TFAP2A: variants seen among roughly 807,000 people sequenced by gnomAD.
TFAP2A encodes the protein transcription factor AP-2-alpha.
A neutral mutation model predicts 41.5 loss-of-function variants in TFAP2A; 7 were observed. The ratio of observed to expected loss-of-function variants is 0.17; its 90% CI spans 0.10 to 0.32. The LOEUF is 0.32. Among genes scored for constraint, TFAP2A ranks in the 10% least tolerant of loss-of-function variants. TFAP2A has a pLI of 1.00. For missense variants in TFAP2A, 416 were observed against 563.3 expected (o/e 0.74, Z 2.65); for synonymous variants, 247 against 242.8 (o/e 1.02, Z -0.16).
chr6:10,412,557 G>A (rs1162683870), intron 1 of TFAP2A: 6 of 173,956 alleles, frequency 3.4e-5, no homozygotes, highest in African/African-American at 9.8e-5. Context: ...GGGAAGGGGA[G>A]AGGAAGCGAG....
rs141438908 is a variant in TFAP2A, at chr6:10,412,198, A to T, written c.52-1863T>A. 2.2e-3 allele frequency: 2,198 copies of T among 987,108 alleles called. 1 individual carries two copies. Among genetic ancestry groups the T allele is most frequent in the Non-Finnish European group, 2.4e-3 (2,021 of 831,062 alleles). The allele number at this position is 987,108 out of a possible 1,614,324, so 61.1% of individuals were successfully genotyped here. On this transcript the variant is annotated intron_variant, in intron 1 of 6. Transcript: ENST00000379613. ...GGGAGAGGGAGCGCGAGAGACAAAAAGCGAGCGAGAGAGGGAGCGGGCGAG... is the reference window on the plus strand; with the variant it reads ...GGGAGAGGGAGCGCGAGAGACAAAATGCGAGCGAGAGAGGGAGCGGGCGAG...
rs747101844 is a variant in TFAP2A, at chr6:10,397,298, G to A, written c.*1119C>T. Reference sequence around the variant, plus strand: ...AATATTCATTTATTGCTCAAATGATGCTTTTAAGGGAGGACAGTGGAATAA... The same window carrying A: ...AATATTCATTTATTGCTCAAATGATACTTTTAAGGGAGGACAGTGGAATAA... On this transcript the variant is annotated 3_prime_UTR_variant, in exon 7 of 7. Coordinates refer to ENST00000379613, the MANE Select transcript of TFAP2A (RefSeq NM_001372066.1). 1.3e-5 allele frequency: 2 copies of A among 151,980 alleles called. No individual in the cohort carries two copies. Among genetic ancestry groups the A allele is most frequent in the Non-Finnish European group, 2.9e-5 (2 of 68,000 alleles). The allele number at this position is 151,980 out of a possible 1,614,324, so 9.4% of individuals were successfully genotyped here.
intron 1 of TFAP2A, chr6:10,412,216 C>G (rs1253972066): frequency 2.0e-6 from 2 of 986,402 alleles, no homozygotes; most frequent in African/African-American, 1.8e-5. Flanking sequence ...AGAGAGGGAG[C>G]GGGCGAGCGC....
intron 1 of TFAP2A, chr6:10,411,495 G>A: frequency 1.2e-6 from 2 of 1,612,738 alleles, no homozygotes; most frequent in South Asian, 1.1e-5. Context: ...CCGAGGTTTC[G>A]GGCAGCTCCA....
At position 10,404,563 on chromosome 6, in the gene TFAP2A, G is replaced by T; in HGVS notation, c.715C>A (p.Arg239=). 6.2e-7 allele frequency: 1 copy of T among 1,613,926 alleles called. No homozygotes were observed. The highest frequency in any genetic ancestry group is 8.5e-7 in the Non-Finnish European group (1 of 1,179,926). Residue 239 remains arginine (R), a synonymous_variant, in exon 4 of 7, where the codon CGG becomes AGG. Transcript: ENST00000379613. The part of the protein sequence containing the change: ...YKVTVAEVQR[R]LSPPECLNAS... ...TTGAGACACTCGGGTGGTGAGAGCC[G>T]CCGCTGCACTTCCGCCACCGTGACC...
chr6:10,405,260 T>C (rs1757657237), intron 3 of TFAP2A: 1 of 154,054 alleles, frequency 6.5e-6, no homozygotes, highest in African/African-American at 2.4e-5. Context: ...TAAAGCACCC[T>C]GTAAACGAGC....
Position 10,404,233 on chromosome 6 carries a change from G to A in TFAP2A, c.770+275C>T, listed in dbSNP as rs12206026. Among the ~76,000 whole-genome samples, 13,908 of 152,250 alleles carry A rather than the reference G, an allele frequency of 0.091. 862 individuals are homozygous for A. The highest frequency in any genetic ancestry group is 0.22 in the Middle Eastern group (65 of 292). ...GCTTGCGCGAGGAGGAGGGCGGAGC[G>A]GAGGACTCCGCGAGCGCGCGGCAGC... is the stretch of plus-strand genomic sequence containing the variant. On this transcript the variant is annotated intron_variant, in intron 4 of 6. Coordinates refer to ENST00000379613, the MANE Select transcript of TFAP2A (RefSeq NM_001372066.1).
intron 1 of TFAP2A, chr6:10,411,629 G>GA (rs753506019): frequency 1.2e-5 from 19 of 1,613,610 alleles, no homozygotes; most frequent in Middle Eastern, 1.7e-4. Context: ...AGTCAGGGTG[G>GA]AAAAAAACAA....
chr6:10,419,403 G>A (rs371706453), upstream of TFAP2A: 43 of 1,613,648 alleles, frequency 2.7e-5, no homozygotes, highest in African/African-American at 4.4e-4. Context: ...CCCAGCCAAG[G>A]CAAACCCCCC....
At chr6:10,405,963 G>A (rs964812923) in intron 3 of TFAP2A, 1 of 152,148 alleles carries the variant, frequency 6.6e-6, no homozygotes, top group African/African-American at 2.4e-5. Flanking sequence ...CTAATTTGAC[G>A]TGACAAAGAC....
chr6:10,400,407 GACA>G (rs1455366282), intron 6 of TFAP2A, 38 bp downstream of exon 6: 2 of 1,613,952 alleles, frequency 1.2e-6, no homozygotes, highest in South Asian at 2.2e-5. Flanking sequence ...TCTTTCTCTT[GACA>G]ACGAGACACA....
chr6:10,402,134 T>C (rs989778901), intron 5 of TFAP2A: 4 of 370,282 alleles, frequency 1.1e-5, no homozygotes, highest in African/African-American at 6.4e-5. Context: ...CAGGAAGTAA[T>C]GGTCACGCAT....
chr6:10,412,373 T>C (rs1252526202), intron 1 of TFAP2A: 1 of 850,116 alleles, frequency 1.2e-6, no homozygotes, highest in Non-Finnish European at 1.4e-6. Flanking sequence ...TCTGCGTGCG[T>C]GTGTGAGAAA....
chr6:10,405,674 A>C (rs191194112), intron 3 of TFAP2A: 3 of 152,278 alleles, frequency 2.0e-5, no homozygotes, highest in Admixed American at 6.5e-5. Context: ...ACAACCATTT[A>C]AGTACAGTAT....
upstream of TFAP2A, chr6:10,419,380 T>G: frequency 1.0e-6 from 1 of 987,654 alleles, no homozygotes; most frequent in Non-Finnish European, 1.5e-6. Flanking sequence ...ACTCCACCCC[T>G]GCCCACCTCA....
chr6:10,401,999 G>T (rs1380732722), intron 5 of TFAP2A: 1 of 267,612 alleles, frequency 3.7e-6, no homozygotes, highest in East Asian at 9.8e-5. Flanking sequence ...TTCTCCAAGA[G>T]AAAAGCACAA....
upstream of TFAP2A, among the ~76,000 whole-genome samples, chr6:10,417,408 G>A (rs1489621749): frequency 6.6e-6 from 1 of 152,208 alleles, no homozygotes; most frequent in East Asian, 1.9e-4. Context: ...CGGTGTAGGC[G>A]CTGATGAAAG....
chr6:10,404,818 G>T, intron 3 of TFAP2A, 79 bp from the exon 4 acceptor site: 1 of 1,317,182 alleles, frequency 7.6e-7, no homozygotes, highest in African/African-American at 1.4e-5. Context: ...CCCTCATCCC[G>T]GCCAGGGCCG....
chr6:10,410,391 C>A, intron 1 of TFAP2A, 56 bp from the exon 2 acceptor site: 1 of 1,523,212 alleles, frequency 6.6e-7, no homozygotes, highest in South Asian at 1.2e-5. Flanking sequence ...CGAGCTACAA[C>A]TATCCACACA....
Sources: gnomAD v4.1 joint callset for allele counts (sites outside exome capture counted in the v4.1 genomes callset) on GRCh38, gnomAD v4.1.1 for gene constraint, MANE v1.5 for transcripts, NCBI Gene and HGNC (gene_info 2026-07-23, HGNC 2026-07-21) for gene names.